The following TRIM5 variants were observed in gnomAD, a reference collection of about 807,000 sequenced individuals.
The protein encoded by TRIM5 is tripartite motif-containing protein 5.
In TRIM5, 31 loss-of-function variants were observed where a neutral mutation model predicts 35.6. That is an observed-to-expected ratio of 0.87 (90% confidence interval 0.65 to 1.18). TRIM5 has a LOEUF of 1.18. TRIM5 is among the 50% of genes most tolerant of loss of function. The probability of loss-of-function intolerance (pLI) is 0.00; values close to 1 mark genes in which losing one functional copy is unlikely to be tolerated. For missense variants in TRIM5, 609 were observed against 591.6 expected (o/e 1.03, Z -0.31); for synonymous variants, 243 against 215.6 (o/e 1.13, Z -1.11).
At chr11:5,638,908 GT>G in the TRIM5 span, among the ~76,000 whole-genome samples, 34 of 150,024 alleles carry the variant, frequency 2.3e-4, no homozygotes, top group East Asian at 4.5e-3. Flanking sequence ...GAGTTACAAA[GT>G]TTTTTTTTTC....
chr11:5,661,498 C>G (rs2134002620), downstream of TRIM5, among the ~76,000 whole-genome samples: 1 of 152,230 alleles, frequency 6.6e-6, no homozygotes, highest in South Asian at 2.1e-4. Flanking sequence ...CAAGCAATCC[C>G]TGTTTTTTTT....
intron 4 of TRIM5, 91 bp from the exon 5 acceptor site, chr11:5,667,802 C>A: frequency 7.1e-7 from 1 of 1,414,956 alleles, no homozygotes; most frequent in Admixed American, 1.9e-5. Flanking sequence ...TCCTAATGTG[C>A]TGAGAATGGA....
At chr11:5,605,311 C>T in the TRIM5 span, 54 of 1,613,578 alleles carry the variant, frequency 3.3e-5, no homozygotes, top group Non-Finnish European at 4.5e-5. Context: ...CGACTAGCAG[C>T]CTCTTTTTCT....
At chr11:5,683,267 C>A (rs1346067970) in intron 1 of TRIM5, among the ~76,000 whole-genome samples, 2 of 152,234 alleles carry the variant, frequency 1.3e-5, no homozygotes. Flanking sequence ...CCCATCACCA[C>A]CCAAGGGCTG....
At chr11:5,669,511 T>C (rs12272771) in intron 4 of TRIM5, among the ~76,000 whole-genome samples, 24,581 of 151,738 alleles carry the variant, frequency 0.16, 2,038 homozygotes, top group African/African-American at 0.23. Flanking sequence ...TCCACATAGA[T>C]TTTTTTTCAA....
At chr11:5,677,986 C>T in intron 4 of TRIM5, 2 of 440,810 alleles carry the variant, frequency 4.5e-6, no homozygotes, top group East Asian at 3.6e-5. Context: ...ATCATCTCCA[C>T]TACGTCAAAT....
At chr11:5,634,726 G>GGAA in the TRIM5 span, 1 of 1,614,048 alleles carries the variant, frequency 6.2e-7, no homozygotes, top group Non-Finnish European at 8.5e-7. Flanking sequence ...TGCAAAGATT[G>GGAA]GAAGAAGAAG....
At chr11:5,682,231 CTG>C (rs1389236479) in intron 1 of TRIM5, among the ~76,000 whole-genome samples, 2 of 152,184 alleles carry the variant, frequency 1.3e-5, no homozygotes, top group African/African-American at 4.8e-5. Flanking sequence ...TGGTGAAATT[CTG>C]TCTCTACTAA....
the TRIM5 span, chr11:5,589,211 C>T: frequency 1.5e-4 from 22 of 151,482 alleles, no homozygotes; most frequent in African/African-American, 4.6e-4. Flanking sequence ...CAAATAGTCA[C>T]TGTAGATGGA....
At chr11:5,652,109 GT>G in the TRIM5 span, among the ~76,000 whole-genome samples, 2 of 151,912 alleles carry the variant, frequency 1.3e-5, no homozygotes, top group Admixed American at 6.6e-5. Context: ...TATTTTCTCC[GT>G]TTTTTGTTTT....
At chr11:5,666,122 A>T (rs1851120560) in intron 5 of TRIM5, 41 bp from the exon 6 acceptor site, 3 of 1,532,748 alleles carry the variant, frequency 2.0e-6, no homozygotes, top group African/African-American at 2.8e-5. Flanking sequence ...CAAACCTTTG[A>T]CCTTGTGTCC....
chr11:5,641,241 T>C, the TRIM5 span: 2 of 1,612,996 alleles, frequency 1.2e-6, no homozygotes, highest in Non-Finnish European at 1.7e-6. Flanking sequence ...GAAGTGTTTG[T>C]AGCTATTAGA....
the TRIM5 span, among the ~76,000 whole-genome samples, chr11:5,593,666 C>G: frequency 6.6e-6 from 1 of 152,176 alleles, no homozygotes; most frequent in African/African-American, 2.4e-5. Context: ...ACACCTCAAC[C>G]TGTGCACTAA....
At chr11:5,656,490 G>A in the TRIM5 span, among the ~76,000 whole-genome samples, 18 of 152,012 alleles carry the variant, frequency 1.2e-4, no homozygotes, top group Admixed American at 6.6e-5. Context: ...AAGTAGCTGG[G>A]ATTACAGGCA....
the TRIM5 span, among the ~76,000 whole-genome samples, chr11:5,657,351 C>T: frequency 6.6e-6 from 1 of 150,968 alleles, no homozygotes; most frequent in African/African-American, 2.4e-5. Flanking sequence ...AGGATAAATA[C>T]CTAATTTAGA....
chr11:5,676,445 G>T (rs1259489432), intron 4 of TRIM5, among the ~76,000 whole-genome samples: 17 of 152,038 alleles, frequency 1.1e-4, no homozygotes, highest in African/African-American at 4.1e-4. Flanking sequence ...CACTACTCAA[G>T]GAAATAAAAG....
At chr11:5,614,191 T>TA in the TRIM5 span, among the ~76,000 whole-genome samples, 1 of 152,322 alleles carries the variant, frequency 6.6e-6, no homozygotes, top group African/African-American at 2.4e-5. Context: ...GATCAAATAC[T>TA]AAAGAAATGT....
At chr11:5,647,322 A>G in the TRIM5 span, among the ~76,000 whole-genome samples, 1 of 152,244 alleles carries the variant, frequency 6.6e-6, no homozygotes, top group Non-Finnish European at 1.5e-5. Flanking sequence ...CTTCTAAAGT[A>G]TCTGACTGAG....
At chr11:5,610,423 G>C in the TRIM5 span, 1 of 1,598,030 alleles carries the variant, frequency 6.3e-7, no homozygotes, top group Non-Finnish European at 8.5e-7. Context: ...AAATGGCCAG[G>C]TGACATCCTC....
Sources: allele counts gnomAD v4.1 joint callset (sites outside exome capture counted in the v4.1 genomes callset), GRCh38; gene constraint gnomAD v4.1.1; transcripts MANE v1.5; gene names NCBI Gene and HGNC (gene_info 2026-07-23, HGNC 2026-07-21).